LRP1B: variants seen among roughly 807,000 people sequenced by gnomAD.
The protein encoded by LRP1B is low-density lipoprotein receptor-related protein 1B.
A neutral mutation model predicts 556.6 loss-of-function variants in LRP1B; 217 were observed. That is an observed-to-expected ratio of 0.39 (90% confidence interval 0.35 to 0.44). LRP1B has a LOEUF of 0.44. LRP1B is among the 20% of genes least tolerant of loss of function. The pLI, the probability that LRP1B is intolerant of heterozygous loss-of-function variation, is 1.00. For synonymous variants in LRP1B, 2,047 were observed against 1,865.8 expected, an observed-to-expected ratio of 1.10 and a Z score of -2.50; for missense variants, 5,053 against 5,620.8, an observed-to-expected ratio of 0.90 and a Z score of 3.23.
chr2:141,651,211 T>C (rs1043022083), intron 2 of LRP1B, among the ~76,000 whole-genome samples: 2 of 152,150 alleles, frequency 1.3e-5, no homozygotes, highest in Admixed American at 1.3e-4. Flanking sequence ...CTGTAACTAG[T>C]GTCCAAACTA....
intron 51 of LRP1B, 68 bp downstream of exon 51, chr2:140,514,585 A>T (rs1689805963): frequency 1.4e-6 from 2 of 1,395,064 alleles, no homozygotes; most frequent in South Asian, 3.7e-5. Flanking sequence ...AATTTTGTGT[A>T]TGCTATAAAA....
chr2:141,305,044 G>T (rs190628551), intron 3 of LRP1B, among the ~76,000 whole-genome samples: 7 of 152,090 alleles, frequency 4.6e-5, no homozygotes, highest in African/African-American at 1.2e-4. Context: ...TGTTCTTTTT[G>T]CTTAGGATTG....
chr2:141,566,840 G>A (rs1000223112), intron 2 of LRP1B, among the ~76,000 whole-genome samples: 3 of 152,016 alleles, frequency 2.0e-5, no homozygotes, highest in African/African-American at 4.8e-5. Flanking sequence ...GCTTGGACAA[G>A]AGACTGAGAC....
At chr2:141,719,568 T>G (rs1344780176) in intron 2 of LRP1B, among the ~76,000 whole-genome samples, 1 of 152,112 alleles carries the variant, frequency 6.6e-6, no homozygotes, top group African/African-American at 2.4e-5. Flanking sequence ...TGTAGGAGAC[T>G]CAAAATGATT....
At chr2:142,082,810 T>TA (rs773749370) in intron 1 of LRP1B, among the ~76,000 whole-genome samples, 63 of 152,314 alleles carry the variant, frequency 4.1e-4, no homozygotes, top group Non-Finnish European at 7.9e-4. Context: ...ATGCCCAAAA[T>TA]AAAAATATTT....
chr2:140,843,766 T>A (rs1042934866), intron 29 of LRP1B, among the ~76,000 whole-genome samples: 1 of 152,116 alleles, frequency 6.6e-6, no homozygotes, highest in Non-Finnish European at 1.5e-5. Flanking sequence ...ACCTGCCTAA[T>A]TCAATAGAAC....
At chr2:142,012,563 GA>G (rs1702990738) in intron 1 of LRP1B, among the ~76,000 whole-genome samples, 1 of 152,016 alleles carries the variant, frequency 6.6e-6, no homozygotes, top group Non-Finnish European at 1.5e-5. Flanking sequence ...TAAGTTAGCA[GA>G]AAAGAAAACT....
At chr2:140,311,732 T>A (rs1437279539) in intron 83 of LRP1B, among the ~76,000 whole-genome samples, 3 of 151,844 alleles carry the variant, frequency 2.0e-5, no homozygotes, top group Non-Finnish European at 4.4e-5. Flanking sequence ...TCCCTAAATA[T>A]AATTAATTAA....
chr2:140,389,574 A>G (rs1683918116), intron 66 of LRP1B, among the ~76,000 whole-genome samples: 2 of 150,966 alleles, frequency 1.3e-5, no homozygotes, highest in South Asian at 2.1e-4. Context: ...CAAAATTTAT[A>G]TATGATTTTT....
intron 58 of LRP1B, among the ~76,000 whole-genome samples, chr2:140,486,243 A>G (rs1688465898): frequency 6.6e-6 from 1 of 152,068 alleles, no homozygotes; most frequent in African/African-American, 2.4e-5. Context: ...CAACAGTTAC[A>G]CAGTTAAAGA....
At chr2:141,206,409 G>T (rs921446176) in intron 6 of LRP1B, among the ~76,000 whole-genome samples, 1 of 150,890 alleles carries the variant, frequency 6.6e-6, no homozygotes, top group Non-Finnish European at 1.5e-5. Flanking sequence ...GTGAAACCCC[G>T]TCTCTACTAA....
At chr2:141,343,975 C>A (rs1402975409) in intron 3 of LRP1B, among the ~76,000 whole-genome samples, 1 of 152,072 alleles carries the variant, frequency 6.6e-6, no homozygotes, top group Non-Finnish European at 1.5e-5. Context: ...CCTAGAGGAA[C>A]CTCCCCATGC....
rs548240361 is a variant in LRP1B at position 140,828,673 on chromosome 2, C to T, written c.5209+11318G>A. ...GGCGTGGTAGCGGGCGCCTGTAGTC[C>T]CAGCTACTCAGGAGGCTGAGGCAGG... On this transcript the variant is annotated intron_variant, in intron 31 of 90. Transcript: ENST00000389484. 7.6e-4 allele frequency among the ~76,000 whole-genome samples: 50 copies of T among 65,416 alleles called. 13 individuals are homozygous for T. Among genetic ancestry groups the T allele is most frequent in the African/African-American group, 1.7e-3 (40 of 23,422 alleles). 42.9% of individuals were successfully genotyped at this position (65,416 alleles called of 152,430 possible).
intron 35 of LRP1B, among the ~76,000 whole-genome samples, chr2:140,766,645 T>C (rs1466307790): frequency 2.6e-5 from 4 of 151,088 alleles, no homozygotes; most frequent in Non-Finnish European, 5.9e-5. Flanking sequence ...ATGATGATGA[T>C]GTTTATCCTC....
At chr2:141,574,130 G>A (rs1270876017) in intron 2 of LRP1B, among the ~76,000 whole-genome samples, 4 of 152,140 alleles carry the variant, frequency 2.6e-5, no homozygotes, top group African/African-American at 9.7e-5. Flanking sequence ...AAACCAGGAA[G>A]AGACACAACA....
At chr2:141,271,441 G>C (rs1185687178) in intron 3 of LRP1B, among the ~76,000 whole-genome samples, 1 of 150,846 alleles carries the variant, frequency 6.6e-6, no homozygotes, top group Non-Finnish European at 1.5e-5. Context: ...TCACAATATA[G>C]TAAAAATGTT....
rs116253781 is a variant in LRP1B, at chr2:141,747,605, G to A, written c.205+62674C>T. 6.9e-3 allele frequency among the ~76,000 whole-genome samples: 1,056 copies of A among 152,180 alleles called. 10 individuals carry two copies. The highest frequency in any genetic ancestry group is 0.025 in the African/African-American group (1,021 of 41,526). ...TGTGCTATGATATCCCGACTGTACT[G>A]GGTGACAGAGCGAGACTCTAAATAA... On this transcript the variant is annotated intron_variant, in intron 2 of 90. Transcript: ENST00000389484.
At chr2:140,706,755 G>T (rs962118194) in intron 37 of LRP1B, among the ~76,000 whole-genome samples, 1 of 152,002 alleles carries the variant, frequency 6.6e-6, no homozygotes, top group Non-Finnish European at 1.5e-5. Context: ...AAAGTTAATT[G>T]TATTTGTCTT....
intron 27 of LRP1B, among the ~76,000 whole-genome samples, chr2:140,865,976 G>T: frequency 6.6e-6 from 1 of 152,014 alleles, no homozygotes; most frequent in East Asian, 1.9e-4. Flanking sequence ...GCCAATGCAG[G>T]CGAATTAGAC....
Sources: gnomAD v4.1 joint callset for allele counts (sites outside exome capture counted in the v4.1 genomes callset) on GRCh38, gnomAD v4.1.1 for gene constraint, MANE v1.5 for transcripts, NCBI Gene and HGNC (gene_info 2026-07-23, HGNC 2026-07-21) for gene names.